RAB19: variants seen among roughly 807,000 people sequenced by gnomAD.
The protein encoded by RAB19 is RAB19, member RAS oncogene family.
In RAB19, 21 loss-of-function variants were observed where a neutral mutation model predicts 17.3. The observed-to-expected ratio is 1.21, with a 90% confidence interval of 0.86 to 1.74. RAB19 has a LOEUF of 1.74. Ranked by LOEUF, RAB19 falls within the 40% of genes most tolerant of loss-of-function variation. The probability of loss-of-function intolerance (pLI) is 0.00; values close to 1 mark genes in which losing one functional copy is unlikely to be tolerated. For synonymous variants in RAB19, 126 were observed against 110.4 expected (o/e 1.14, Z -0.88); for missense variants, 277 against 286.8 (o/e 0.97, Z 0.25).
chr7:140,413,557 G>A (rs1044214985), intron 3 of RAB19, among the ~76,000 whole-genome samples: 3 of 152,014 alleles, frequency 2.0e-5, no homozygotes, highest in Non-Finnish European at 4.4e-5. Context: ...ACAAAATAGT[G>A]AGATGTGGTG....
At chr7:140,415,290 G>T (rs1168383435) in intron 3 of RAB19, among the ~76,000 whole-genome samples, 1 of 151,824 alleles carries the variant, frequency 6.6e-6, no homozygotes, top group Non-Finnish European at 1.5e-5. Flanking sequence ...GGCCAGACTG[G>T]TCTCAAACTC....
chr7:140,412,797 A>C (rs980772623), intron 3 of RAB19, among the ~76,000 whole-genome samples: 41 of 151,650 alleles, frequency 2.7e-4, no homozygotes, highest in Middle Eastern at 6.8e-3. Context: ...AAGAAGAGGC[A>C]ATTTCTAAGT....
chr7:140,418,054 T>C (rs752658438), intron 3 of RAB19, among the ~76,000 whole-genome samples: 3 of 152,204 alleles, frequency 2.0e-5, no homozygotes, highest in Non-Finnish European at 2.9e-5. Flanking sequence ...TGTGCTAATG[T>C]CTGCTGAAAA....
intron 3 of RAB19, among the ~76,000 whole-genome samples, chr7:140,424,611 CTCTCTCTCTA>C (rs1333513079): frequency 1.9e-3 from 155 of 81,528 alleles, no homozygotes; most frequent in East Asian, 7.0e-3. Context: ...CTCTCTCTCT[CTCTCTCTCTA>C]TATATATATA....
At chr7:140,420,931 C>T (rs553294988) in intron 3 of RAB19, among the ~76,000 whole-genome samples, 3 of 152,070 alleles carry the variant, frequency 2.0e-5, no homozygotes, top group South Asian at 2.1e-4. Flanking sequence ...CTTGCTCTGT[C>T]GCCCAGGTTG....
At position 140,404,630 on chromosome 7, in the gene RAB19, T is replaced by C. The variant is rs1032810343; in HGVS notation, c.-24+413T>C. On this transcript the variant is annotated intron_variant, in intron 1 of 3. Transcript: ENST00000537763. ...TTTTACCTTGTGTGATGAGACAGAGTGTCCTTGTCTATGACTTTAGAGAAA... is the reference window on the plus strand; with the variant it reads ...TTTTACCTTGTGTGATGAGACAGAGCGTCCTTGTCTATGACTTTAGAGAAA... Among the ~76,000 whole-genome samples the C allele has an allele frequency of 1.1e-4, 16 of 152,206 alleles. 2 individuals are homozygous for C. The highest frequency in any genetic ancestry group is 3.9e-4 in the African/African-American group (16 of 41,516).
intron 1 of RAB19, among the ~76,000 whole-genome samples, chr7:140,406,979 G>A (rs1585411878): frequency 1.3e-5 from 2 of 151,722 alleles, no homozygotes; most frequent in East Asian, 2.0e-4. Flanking sequence ...TCCGCCTCCC[G>A]GATTCAAGTG....
At chr7:140,420,725 G>A (rs983002086) in intron 3 of RAB19, among the ~76,000 whole-genome samples, 1 of 152,068 alleles carries the variant, frequency 6.6e-6, no homozygotes, top group Non-Finnish European at 1.5e-5. Context: ...GGTCCTGTTG[G>A]GCTGTCTGTG....
intron 3 of RAB19, among the ~76,000 whole-genome samples, chr7:140,418,185 T>G (rs1799493521): frequency 6.6e-6 from 1 of 152,090 alleles, no homozygotes; most frequent in Non-Finnish European, 1.5e-5. Flanking sequence ...TGGGACATAT[T>G]AATGTATATA....
At chr7:140,414,417 C>T (rs917907714) in intron 3 of RAB19, among the ~76,000 whole-genome samples, 2 of 152,176 alleles carry the variant, frequency 1.3e-5, no homozygotes, top group Non-Finnish European at 2.9e-5. Context: ...CAGCCAGCTC[C>T]GTCTTTAATC....
In RAB19 at chr7:140,411,776, A is replaced by T. The variant is rs781580491; in HGVS notation, c.202-98A>T. 2.5e-6 allele frequency: 4 copies of T among 1,604,702 alleles called. No homozygotes were observed. The South Asian group carries it at 4.4e-5, about 18-fold the overall frequency. ...TACTGGGTCTGAATATCTAGAAGTG[A>T]GACCCAGAAAACTGTGTTTTTAAGA... On this transcript the variant is annotated intron_variant, in intron 2 of 3. Transcript: ENST00000537763.
In RAB19 at chr7:140,427,438, C is replaced by T. The variant is rs927105375; in HGVS notation, c.*1288C>T. Among the ~76,000 whole-genome samples, 1 of 144,606 alleles carries T rather than the reference C, an allele frequency of 6.9e-6. No homozygotes were observed. The highest frequency in any genetic ancestry group is 1.5e-5 in the Non-Finnish European group (1 of 66,726). 94.9% of individuals were successfully genotyped at this position (144,606 alleles called of 152,430 possible). Reference sequence around the variant, plus strand: ...AAGTGCTGGGATTACAGGCATGAGCCACCATGCCCGGCCCTTTTTTTTTTT... The same window carrying T: ...AAGTGCTGGGATTACAGGCATGAGCTACCATGCCCGGCCCTTTTTTTTTTT... On this transcript the variant is annotated 3_prime_UTR_variant, in exon 4 of 4. Coordinates refer to ENST00000537763, the MANE Select transcript of RAB19 (RefSeq NM_001008749.3).
chr7:140,407,520 G>A (rs1176179695), intron 1 of RAB19, 104 bp from the exon 2 acceptor site: 18 of 747,426 alleles, frequency 2.4e-5, no homozygotes, highest in South Asian at 1.2e-4. Flanking sequence ...CATTAGCATC[G>A]TCCTCTCACA....
At chr7:140,415,799 G>A (rs1348435570) in intron 3 of RAB19, among the ~76,000 whole-genome samples, 1 of 151,952 alleles carries the variant, frequency 6.6e-6, no homozygotes, top group African/African-American at 2.4e-5. Flanking sequence ...CAGCTACTCA[G>A]GAGGCTGAGG....
At chr7:140,418,532 C>T (rs975113475) in intron 3 of RAB19, among the ~76,000 whole-genome samples, 12 of 150,062 alleles carry the variant, frequency 8.0e-5, no homozygotes, top group South Asian at 4.3e-4. Context: ...GCCGAGATTG[C>T]GCCACTGCAC....
At chr7:140,406,248 CAAAAAAAAAA>C (rs56928355) in intron 1 of RAB19, among the ~76,000 whole-genome samples, 1 of 80,946 alleles carries the variant, frequency 1.2e-5, no homozygotes, top group African/African-American at 5.1e-5. Flanking sequence ...AACTCTGTCT[CAAAAAAAAAA>C]AAAAAAAAAA....
intron 3 of RAB19, among the ~76,000 whole-genome samples, chr7:140,424,661 G>GTGTA (rs372670819): frequency 3.3e-4 from 40 of 119,558 alleles, no homozygotes; most frequent in Admixed American, 1.0e-3. Flanking sequence ...ATATATGTGT[G>GTGTA]TGTATATATA....
Position 140,427,752 on chromosome 7 carries a change from T to C in RAB19, c.*1602T>C, listed in dbSNP as rs1363770191. Among the ~76,000 whole-genome samples the C allele has an allele frequency of 6.6e-6, 1 of 151,240 alleles. No homozygotes were observed. The highest frequency in any genetic ancestry group is 1.9e-4 in the East Asian group (1 of 5,140). On this transcript the variant is annotated 3_prime_UTR_variant, in exon 4 of 4. Coordinates refer to ENST00000537763, the MANE Select transcript of RAB19 (RefSeq NM_001008749.3). ...CAGGTGTGAACCACCGCACCTGGCC[T>C]TTTTTTATTATTATTATTGTAGAAA...
Position 140,426,278 on chromosome 7 carries a change from TC to T in RAB19, c.*131del. The stretch of plus-strand genomic sequence containing the variant: ...TGGACTTGCCGCTCACCCCTAATCC[TC>T]CCAGTCTGGATGGGCCACACTTCTC... On this transcript the variant is annotated 3_prime_UTR_variant, in exon 4 of 4. Coordinates refer to ENST00000537763, the MANE Select transcript of RAB19 (RefSeq NM_001008749.3). 1 of 1,088,250 alleles carries T rather than the reference TC, an allele frequency of 9.2e-7. No homozygotes were observed. The highest frequency in any genetic ancestry group is 1.3e-6 in the Non-Finnish European group (1 of 777,168). The allele number at this position is 1,088,250 out of a possible 1,614,324, so 67.4% of individuals were successfully genotyped here. A position where few individuals can be genotyped will look rare whatever the true frequency, so the allele number is the denominator to read the frequency against.
Sources: gnomAD v4.1 joint callset for allele counts (sites outside exome capture counted in the v4.1 genomes callset) on GRCh38, gnomAD v4.1.1 for gene constraint, MANE v1.5 for transcripts, NCBI Gene and HGNC (gene_info 2026-07-23, HGNC 2026-07-21) for gene names.